The following EGFLAM variants were observed in gnomAD, a reference collection of about 807,000 sequenced individuals.
The protein encoded by EGFLAM is EGF like, fibronectin type III and laminin G domains, also known as pikachurin.
A neutral mutation model predicts 113.1 loss-of-function variants in EGFLAM; 79 were observed. That is an observed-to-expected ratio of 0.70 (90% CI 0.58 to 0.84). The LOEUF (loss-of-function observed/expected upper bound fraction) is 0.84, where lower values mean the gene tolerates loss of function less well. Among genes scored for constraint, EGFLAM ranks in the 40% least tolerant of loss-of-function variants. The pLI is 0.00. For synonymous variants in EGFLAM, 504 were observed against 487.6 expected (o/e 1.03, Z -0.44); for missense variants, 1,265 against 1,291.6 (o/e 0.98, Z 0.32).
At chr5:38,446,045 C>G (rs1215230647) in intron 17 of EGFLAM, among the ~76,000 whole-genome samples, 2 of 152,186 alleles carry the variant, frequency 1.3e-5, no homozygotes. Context: ...GGCGGTACCT[C>G]TCCCCCGTGG....
intron 19 of EGFLAM, among the ~76,000 whole-genome samples, chr5:38,455,775 C>A (rs1743067155): frequency 6.6e-6 from 1 of 152,172 alleles, no homozygotes; most frequent in Admixed American, 6.5e-5. Context: ...CTCCCTAGAG[C>A]ACATTCTAGC....
chr5:38,338,568 C>T (rs1739246791), intron 2 of EGFLAM, 130 bp from the exon 3 acceptor site: 2 of 798,120 alleles, frequency 2.5e-6, no homozygotes, highest in African/African-American at 1.7e-5. Flanking sequence ...ATGTGTGTTC[C>T]CGCAGAACTA....
intron 1 of EGFLAM, among the ~76,000 whole-genome samples, chr5:38,300,671 G>A (rs2111824823): frequency 6.6e-6 from 1 of 152,168 alleles, no homozygotes; most frequent in East Asian, 1.9e-4. Context: ...CATCGCGCCC[G>A]GCCATATTTT....
intron 6 of EGFLAM, chr5:38,403,749 A>G: frequency 6.5e-7 from 1 of 1,548,370 alleles, no homozygotes; most frequent in Non-Finnish European, 8.7e-7. Context: ...AAATTGCAGA[A>G]AGCAAAAATA....
At chr5:38,359,477 C>A (rs1328514308) in intron 5 of EGFLAM, among the ~76,000 whole-genome samples, 2 of 152,130 alleles carry the variant, frequency 1.3e-5, no homozygotes, top group Admixed American at 6.5e-5. Context: ...GAGTTTGAGA[C>A]CAGCCTTGCC....
intron 20 of EGFLAM, among the ~76,000 whole-genome samples, chr5:38,459,068 G>T (rs879434462): frequency 6.6e-6 from 1 of 151,526 alleles, no homozygotes; most frequent in Non-Finnish European, 1.5e-5. Context: ...ACAGGTTCTC[G>T]CTCTGTCACC....
chr5:38,400,651 G>C (rs1236970858), intron 6 of EGFLAM, among the ~76,000 whole-genome samples: 1 of 152,176 alleles, frequency 6.6e-6, no homozygotes, highest in Non-Finnish European at 1.5e-5. Context: ...CCATCATGCT[G>C]TGACTGGTTC....
At chr5:38,431,364 G>T in intron 15 of EGFLAM, 76 bp downstream of exon 15, 1 of 1,433,930 alleles carries the variant, frequency 7.0e-7, no homozygotes, top group Non-Finnish European at 9.6e-7. Context: ...TGGTAGAAAA[G>T]CAGCAGAGTG....
chr5:38,379,155 C>T (rs1167579801), intron 6 of EGFLAM, among the ~76,000 whole-genome samples: 2 of 152,112 alleles, frequency 1.3e-5, no homozygotes, highest in Non-Finnish European at 2.9e-5. Flanking sequence ...TGAGGTCCAC[C>T]GGAATCATTA....
chr5:38,450,007 T>G (rs1445477543), intron 18 of EGFLAM, among the ~76,000 whole-genome samples: 2 of 152,204 alleles, frequency 1.3e-5, no homozygotes. Context: ...TGACTCTGAC[T>G]ACATCCAGTG....
chr5:38,275,698 T>C (rs1209945606), intron 1 of EGFLAM, among the ~76,000 whole-genome samples: 1 of 152,224 alleles, frequency 6.6e-6, no homozygotes, highest in Non-Finnish European at 1.5e-5. Flanking sequence ...GGATTTAAAC[T>C]GCATTCCAGA....
chr5:38,286,120 T>G (rs1284293257), intron 1 of EGFLAM: 1 of 151,528 alleles, frequency 6.6e-6, no homozygotes, highest in East Asian at 1.9e-4. Context: ...AAAAAAAAAG[T>G]AAATATTTGC....
chr5:38,337,473 G>A, intron 1 of EGFLAM, 47 bp from the exon 2 acceptor site: 1 of 1,497,544 alleles, frequency 6.7e-7, no homozygotes, highest in Non-Finnish European at 9.1e-7. Flanking sequence ...TATACTCAAG[G>A]TGGGATGTGT....
chr5:38,453,914 GC>G (rs1369389665), intron 19 of EGFLAM, among the ~76,000 whole-genome samples: 3 of 152,122 alleles, frequency 2.0e-5, no homozygotes, highest in Non-Finnish European at 4.4e-5. Context: ...TCTCCCACCT[GC>G]TTAGGATCCT....
intron 11 of EGFLAM, among the ~76,000 whole-genome samples, chr5:38,416,056 G>A (rs1268054198): frequency 1.3e-5 from 2 of 150,804 alleles, no homozygotes; most frequent in African/African-American, 2.4e-5. Context: ...ATATCATCAT[G>A]TTTTTTTTTT....
At position 38,321,735 on chromosome 5, in the gene EGFLAM, G is replaced by A. The variant is rs2111895073; in HGVS notation, c.98-15785G>A. ...CTGCCAGAAGTCAACACTTGGGCCA[G>A]AAGAATCCGTCGTGAGATCCATTTA... On this transcript the variant is annotated intron_variant, in intron 1 of 21. Coordinates refer to ENST00000322350, the MANE Select transcript of EGFLAM (RefSeq NM_152403.4). Among the ~76,000 whole-genome samples the A allele has an allele frequency of 1.3e-5, 2 of 152,270 alleles. 1 individual carries two copies. The highest frequency in any genetic ancestry group is 4.2e-4 in the South Asian group (2 of 4,816).
intron 10 of EGFLAM, among the ~76,000 whole-genome samples, chr5:38,412,178 T>A (rs1014753894): frequency 1.4e-4 from 22 of 151,960 alleles, no homozygotes; most frequent in African/African-American, 5.3e-4. Context: ...TGCTGAGGCT[T>A]GGGGTACAGA....
chr5:38,307,445 C>G (rs1241827406), intron 1 of EGFLAM, among the ~76,000 whole-genome samples: 1 of 152,220 alleles, frequency 6.6e-6, no homozygotes, highest in Non-Finnish European at 1.5e-5. Flanking sequence ...CTTCACTCAG[C>G]CCTTTTTCTT....
At chr5:38,304,402 G>A (rs1561270600) in intron 1 of EGFLAM, among the ~76,000 whole-genome samples, 1 of 152,120 alleles carries the variant, frequency 6.6e-6, no homozygotes, top group Non-Finnish European at 1.5e-5. Flanking sequence ...TCTGTGAACA[G>A]GGGGCATCCA....
Sources: gnomAD v4.1 joint callset for allele counts (sites outside exome capture counted in the v4.1 genomes callset) on GRCh38, gnomAD v4.1.1 for gene constraint, MANE v1.5 for transcripts, NCBI Gene and HGNC (gene_info 2026-07-23, HGNC 2026-07-21) for gene names.